PRKCE: variants seen among roughly 807,000 people sequenced by gnomAD.
PRKCE encodes the protein protein kinase C epsilon type.
A neutral mutation model predicts 85.4 loss-of-function variants in PRKCE; 16 were observed. The ratio of observed to expected loss-of-function variants is 0.19; its 90% CI spans 0.13 to 0.28. PRKCE has a LOEUF of 0.28. PRKCE is among the 10% of genes least tolerant of loss of function. PRKCE has a pLI of 1.00. For missense variants in PRKCE, 573 were observed against 975.2 expected (o/e 0.59, Z 5.49); for synonymous variants, 388 against 371.5 (o/e 1.04, Z -0.51).
At chr2:45,924,572 A>G (rs182192025) in intron 2 of PRKCE, among the ~76,000 whole-genome samples, 42 of 152,238 alleles carry the variant, frequency 2.8e-4, no homozygotes, top group African/African-American at 1.0e-3. Flanking sequence ...TGGTTGTTTA[A>G]CTCACCAGGA....
At chr2:46,081,251 A>G (rs899859155) in intron 10 of PRKCE, among the ~76,000 whole-genome samples, 3 of 152,232 alleles carry the variant, frequency 2.0e-5, no homozygotes, top group Non-Finnish European at 4.4e-5. Flanking sequence ...CTGGGATCAC[A>G]GGCATGAGCC....
At chr2:46,025,745 G>A (rs1558975842) in intron 10 of PRKCE, among the ~76,000 whole-genome samples, 1 of 152,216 alleles carries the variant, frequency 6.6e-6, no homozygotes, top group African/African-American at 2.4e-5. Flanking sequence ...TCTGATTCAA[G>A]GAAATTGGCT....
chr2:46,138,763 T>C lies in PRKCE; in HGVS notation c.1593-6330T>C, dbSNP rs1462771323. 6.6e-6 allele frequency among the ~76,000 whole-genome samples: 1 copy of C among 152,144 alleles called. No individual in the cohort carries two copies. Among genetic ancestry groups the C allele is most frequent in the Admixed American group, 6.5e-5 (1 of 15,274 alleles). ...CACCTAATGCATCTAATGCATAACA[T>C]CTCATAGCATCTAATGCGTAGAGAC... On this transcript the variant is annotated intron_variant, in intron 11 of 14. Coordinates refer to ENST00000306156, the MANE Select transcript of PRKCE (RefSeq NM_005400.3). This position sits in a 1 kb window ranked among gnomAD's most constrained non-coding sequence, Gnocchi z 4.2.
chr2:45,910,369 G>A (rs1215167453), intron 2 of PRKCE, among the ~76,000 whole-genome samples: 1 of 152,148 alleles, frequency 6.6e-6, no homozygotes, highest in Admixed American at 6.5e-5. Flanking sequence ...AAGACAGGAA[G>A]CCCACCCTGA....
chr2:45,777,733 C>T (rs1221125501), intron 1 of PRKCE, among the ~76,000 whole-genome samples: 2 of 152,118 alleles, frequency 1.3e-5, no homozygotes, highest in East Asian at 1.9e-4. Flanking sequence ...GATTTGGATT[C>T]AGCCTGACTG....
chr2:45,729,771 C>T (rs1030267721), intron 1 of PRKCE, among the ~76,000 whole-genome samples: 7 of 152,064 alleles, frequency 4.6e-5, no homozygotes, highest in Non-Finnish European at 1.5e-5. Flanking sequence ...GCTGATTAGG[C>T]CAGAGTGGGT....
chr2:45,908,570 G>C (rs1010253804), intron 2 of PRKCE, among the ~76,000 whole-genome samples: 2 of 152,222 alleles, frequency 1.3e-5, no homozygotes, highest in Non-Finnish European at 2.9e-5. Context: ...TGGTCTTGCC[G>C]ATGCTGCTGT....
At chr2:46,099,752 T>A (rs997566359) in intron 11 of PRKCE, among the ~76,000 whole-genome samples, 11 of 152,212 alleles carry the variant, frequency 7.2e-5, no homozygotes, top group African/African-American at 1.2e-4. Flanking sequence ...TTGACTAACC[T>A]ATTTACATTT....
chr2:46,082,073 G>A (rs1669132040), intron 10 of PRKCE, among the ~76,000 whole-genome samples: 1 of 152,156 alleles, frequency 6.6e-6, no homozygotes, highest in South Asian at 2.1e-4. Flanking sequence ...CAGCCTGGGT[G>A]ACAGAGCAAG....
At chr2:46,085,762 T>TTTTTTTTTTTG (rs1669575581) in intron 10 of PRKCE, among the ~76,000 whole-genome samples, 1 of 88,148 alleles carries the variant, frequency 1.1e-5, no homozygotes, top group East Asian at 8.0e-4. Context: ...TTTGTTTTTT[T>TTTTTTTTTTTG]TTTTTTTTTT....
At chr2:45,798,237 A>G (rs1424963440) in intron 1 of PRKCE, among the ~76,000 whole-genome samples, 1 of 152,246 alleles carries the variant, frequency 6.6e-6, no homozygotes, top group African/African-American at 2.4e-5. Flanking sequence ...TAAAAAATAA[A>G]TAGTTCTAAA....
At chr2:46,085,587 GT>G (rs1669528107) in intron 10 of PRKCE, among the ~76,000 whole-genome samples, 1 of 115,424 alleles carries the variant, frequency 8.7e-6, no homozygotes, top group African/African-American at 3.4e-5. Context: ...CTCTGCCTCT[GT>G]GGCCACTTGG....
chr2:46,070,339 T>G (rs1246226848), intron 10 of PRKCE, among the ~76,000 whole-genome samples: 4 of 152,210 alleles, frequency 2.6e-5, no homozygotes, highest in Non-Finnish European at 4.4e-5. Flanking sequence ...TCATTTTTGA[T>G]GTATAAAAAA....
intron 1 of PRKCE, among the ~76,000 whole-genome samples, chr2:45,686,900 C>T (rs752142070): frequency 3.9e-5 from 6 of 152,026 alleles, no homozygotes; most frequent in African/African-American, 7.3e-5. Context: ...TAGTTTGGGA[C>T]AACTGGGTGG....
chr2:45,726,294 T>C (rs561422554), intron 1 of PRKCE, among the ~76,000 whole-genome samples: 2 of 152,314 alleles, frequency 1.3e-5, no homozygotes, highest in African/African-American at 2.4e-5. Flanking sequence ...GAGAAATCTT[T>C]TGTGAAAGGA....
intron 1 of PRKCE, among the ~76,000 whole-genome samples, chr2:45,799,128 G>A (rs532936887): frequency 6.8e-4 from 103 of 151,316 alleles, no homozygotes; most frequent in African/African-American, 2.0e-3. Flanking sequence ...ATCGTGCCAC[G>A]GCACTCCAGC....
chr2:46,063,733 C>G (rs1472183301), intron 10 of PRKCE, among the ~76,000 whole-genome samples: 1 of 152,160 alleles, frequency 6.6e-6, no homozygotes, highest in Non-Finnish European at 1.5e-5. Flanking sequence ...AGACCAATCG[C>G]CACTTCCTTC....
At chr2:45,807,360 T>C (rs1033070250) in intron 1 of PRKCE, among the ~76,000 whole-genome samples, 2 of 152,266 alleles carry the variant, frequency 1.3e-5, no homozygotes, top group Admixed American at 1.3e-4. Flanking sequence ...CAGTGTCTTC[T>C]GGTCTTTGCT....
intron 6 of PRKCE, among the ~76,000 whole-genome samples, chr2:45,993,835 A>G (rs1416653637): frequency 6.6e-6 from 1 of 152,174 alleles, no homozygotes; most frequent in East Asian, 1.9e-4. Flanking sequence ...CCCGCGGATC[A>G]GAGTTATTAG....
Sources: gnomAD v4.1 joint callset for allele counts (sites outside exome capture counted in the v4.1 genomes callset) on GRCh38, gnomAD v4.1.1 for gene constraint, Gnocchi (gnomAD v3.1) non-coding constraint, MANE v1.5 for transcripts, NCBI Gene and HGNC (gene_info 2026-07-23, HGNC 2026-07-21) for gene names.